MPRIP: variants seen among roughly 807,000 people sequenced by gnomAD.
The protein encoded by MPRIP is myosin phosphatase Rho interacting protein.
Under a neutral mutation model 234.9 loss-of-function variants are expected in MPRIP, and 59 were observed. The observed-to-expected ratio is 0.25, with a 90% confidence interval of 0.20 to 0.31. The LOEUF is 0.31. MPRIP is among the 10% of genes least tolerant of loss of function. The pLI, the probability that MPRIP is intolerant of heterozygous loss-of-function variation, is 1.00. For synonymous variants in MPRIP, 1,144 were observed against 1,263.9 expected, an observed-to-expected ratio of 0.91 and a Z score of 2.01; for missense variants, 2,436 against 3,071.0, an observed-to-expected ratio of 0.79 and a Z score of 4.89.
At chr17:17,080,718 G>A (rs2089442628) in intron 3 of MPRIP, among the ~76,000 whole-genome samples, 1 of 152,240 alleles carries the variant, frequency 6.6e-6, no homozygotes, top group Non-Finnish European at 1.5e-5. Flanking sequence ...AAGAAACTGA[G>A]CAGTTTCGAC....
intron 3 of MPRIP, among the ~76,000 whole-genome samples, chr17:17,095,342 G>T (rs76423171): frequency 0.027 from 4,079 of 152,226 alleles, 108 homozygotes; most frequent in East Asian, 0.12. Flanking sequence ...ATATCGACTG[G>T]CAGGCTTTGC....
In MPRIP at chr17:17,166,509, G is replaced by A. The variant is rs1486744559; in HGVS notation, c.4918G>A (p.Gly1640Arg). The change falls in exon 16 of 24, where the codon GGA (glycine) becomes AGA (arginine). Residue 1640 changes from glycine to arginine, a missense_variant. Around this residue, in one of 4 missense-constraint regions of MPRIP, gnomAD observed 1,998 missense variants for 2,520.3 expected, o/e 0.79. Transcript: ENST00000651222. This position sits in a 1 kb window ranked among gnomAD's most constrained non-coding sequence, Gnocchi z 4.4. ...TCTGAGGAAGCACTTGGGGACACTG[G>A]GAGGAGAGGCAGTCGGTGCCTCAGG... Reference protein sequence around the residue: ...ESLRKHLGTLGGEAVGASGDG... With the variant: ...ESLRKHLGTLRGEAVGASGDG... 1 of 1,304,328 alleles carries A rather than the reference G, an allele frequency of 7.7e-7. No homozygotes were observed. The highest frequency in any genetic ancestry group is 2.3e-5 in the Admixed American group (1 of 43,576). 80.8% of individuals were successfully genotyped at this position (1,304,328 alleles called of 1,614,324 possible). A position where few individuals can be genotyped will look rare whatever the true frequency, so the allele number is the denominator to read the frequency against.
chr17:17,066,949 C>T (rs2089049765), intron 1 of MPRIP, among the ~76,000 whole-genome samples: 1 of 151,340 alleles, frequency 6.6e-6, no homozygotes, highest in South Asian at 2.1e-4. Flanking sequence ...TTGGTAGAAA[C>T]AGGGTCTTGT....
At chr17:17,182,774 ACG>A (rs1304226176) in intron 23 of MPRIP, 2 of 152,372 alleles carry the variant, frequency 1.3e-5, no homozygotes, top group African/African-American at 4.8e-5. Flanking sequence ...GGGGCTTCTG[ACG>A]CAGTGCCTGC....
chr17:17,135,053 G>A (rs1051134946), intron 5 of MPRIP, among the ~76,000 whole-genome samples: 1 of 152,248 alleles, frequency 6.6e-6, no homozygotes, highest in Non-Finnish European at 1.5e-5. Flanking sequence ...CTTGTCTTTT[G>A]CGAGAGAGCT....
intron 3 of MPRIP, among the ~76,000 whole-genome samples, chr17:17,119,900 C>T (rs2090356320): frequency 6.6e-6 from 1 of 152,204 alleles, no homozygotes; most frequent in Non-Finnish European, 1.5e-5. Context: ...GTGTGCTCAT[C>T]ATGGTGTGAA....
In MPRIP at chr17:17,186,415, G is replaced by GCT. The variant is rs2046476058; in HGVS notation, c.*1526_*1527dup. The GCT allele has an allele frequency of 1.3e-5, 2 of 152,172 alleles. No individual in the cohort carries two copies. The highest frequency in any genetic ancestry group is 4.1e-4 in the South Asian group (2 of 4,824). 9.4% of individuals were successfully genotyped at this position (152,172 alleles called of 1,614,324 possible). A position where few individuals can be genotyped will look rare whatever the true frequency, so the allele number is the denominator to read the frequency against. ...TGTGTTTTCAGACCCAGGTTTAGGTGCTCTCTTCTCACTGAAATAACTAAG... is the reference window on the plus strand; with the variant it reads ...TGTGTTTTCAGACCCAGGTTTAGGTGCTCTCTCTTCTCACTGAAATAACTAAG... On this transcript the variant is annotated 3_prime_UTR_variant, in exon 24 of 24. Coordinates refer to ENST00000651222, the MANE Select transcript of MPRIP (RefSeq NM_001364716.4).
chr17:17,179,287 A>G (rs957688275), intron 22 of MPRIP, among the ~76,000 whole-genome samples: 7 of 152,142 alleles, frequency 4.6e-5, no homozygotes, highest in South Asian at 2.1e-4. Flanking sequence ...TCTCTACTAA[A>G]AATACAAAAA....
chr17:17,062,236 C>T (rs936015474), intron 1 of MPRIP, among the ~76,000 whole-genome samples: 2 of 152,048 alleles, frequency 1.3e-5, no homozygotes, highest in East Asian at 1.9e-4. Context: ...ACCAAGATCT[C>T]CCCTATTGAA....
At chr17:17,052,278 AGT>A (rs1378948668) in intron 1 of MPRIP, among the ~76,000 whole-genome samples, 1 of 151,952 alleles carries the variant, frequency 6.6e-6, no homozygotes, top group Non-Finnish European at 1.5e-5. Flanking sequence ...TAAACTCCTT[AGT>A]GTTTTTGTTT....
At chr17:17,120,884 A>C (rs921492176) in intron 3 of MPRIP, among the ~76,000 whole-genome samples, 4 of 152,156 alleles carry the variant, frequency 2.6e-5, no homozygotes, top group Admixed American at 1.3e-4. Flanking sequence ...CTCTCGCAGC[A>C]CAAGATTCAG....
At chr17:17,105,626 CTGG>C (rs2090048585) in intron 3 of MPRIP, among the ~76,000 whole-genome samples, 1 of 152,206 alleles carries the variant, frequency 6.6e-6, no homozygotes, top group African/African-American at 2.4e-5. Flanking sequence ...CAGTCACTCA[CTGG>C]TGGTGGTGTG....
chr17:17,154,258 G>A, intron 12 of MPRIP, 48 bp from the exon 13 acceptor site: 1 of 1,544,716 alleles, frequency 6.5e-7, no homozygotes, highest in Non-Finnish European at 8.9e-7. Flanking sequence ...GAGGGCAGCA[G>A]GCACCCTAGG....
chr17:17,054,340 A>G (rs189552523), intron 1 of MPRIP, among the ~76,000 whole-genome samples: 68 of 152,298 alleles, frequency 4.5e-4, no homozygotes, highest in Non-Finnish European at 8.5e-4. Flanking sequence ...TGCATAGTTT[A>G]TTGTCATGTG....
intron 1 of MPRIP, among the ~76,000 whole-genome samples, chr17:17,053,426 T>C (rs2088601450): frequency 6.6e-6 from 1 of 151,884 alleles, no homozygotes; most frequent in Non-Finnish European, 1.5e-5. Context: ...AAGGGCAGAG[T>C]TTGTAAATAC....
intron 15 of MPRIP, among the ~76,000 whole-genome samples, chr17:17,161,940 A>C (rs1302098164): frequency 6.6e-6 from 1 of 152,244 alleles, no homozygotes; most frequent in Non-Finnish European, 1.5e-5. Flanking sequence ...TAGGGGTGTC[A>C]CAAGGCTGGA....
intron 8 of MPRIP, among the ~76,000 whole-genome samples, chr17:17,143,231 G>A (rs113390622): frequency 6.6e-6 from 1 of 152,180 alleles, no homozygotes; most frequent in Non-Finnish European, 1.5e-5. Context: ...AGTGCCTACT[G>A]TCTGGCCCAC....
chr17:17,137,506 G>C (rs1974721), intron 6 of MPRIP, among the ~76,000 whole-genome samples: 110,348 of 146,270 alleles, frequency 0.75, 41,920 homozygotes, highest in East Asian at 0.99. Context: ...GAGCGAGATT[G>C]CATCTCAAAA....
chr17:17,139,897 A>G (rs2090777868), intron 7 of MPRIP, among the ~76,000 whole-genome samples: 1 of 152,196 alleles, frequency 6.6e-6, no homozygotes, highest in Admixed American at 6.5e-5. Context: ...AATGTTTCAT[A>G]GTAGCCTGAT....
Sources: allele counts gnomAD v4.1 joint callset (sites outside exome capture counted in the v4.1 genomes callset), GRCh38; gene constraint gnomAD v4.1.1; regional missense constraint gnomAD v4.1.1; non-coding constraint Gnocchi (gnomAD v3.1); transcripts MANE v1.5; gene names NCBI Gene and HGNC (gene_info 2026-07-23, HGNC 2026-07-21).